Variants in ANGPTL5 observed in about 807,000 individuals in gnomAD.
ANGPTL5 encodes angiopoietin like 5.
In ANGPTL5, 34 loss-of-function variants were observed where a neutral mutation model predicts 39.4. That is an observed-to-expected ratio of 0.86 (90% CI 0.66 to 1.15). The LOEUF (loss-of-function observed/expected upper bound fraction) is 1.15, where lower values mean the gene tolerates loss of function less well. Ranked by LOEUF, ANGPTL5 falls within the 50% of genes most tolerant of loss-of-function variation. The pLI is 0.00. For synonymous variants in ANGPTL5, 146 were observed against 152.1 expected, an observed-to-expected ratio of 0.96 and a Z score of 0.29; for missense variants, 467 against 457.5, an observed-to-expected ratio of 1.02 and a Z score of -0.19.
rs138543084 is a variant in ANGPTL5 at position 101,895,972 on chromosome 11, A to G, written c.662-908T>C. 4.3e-3 allele frequency among the ~76,000 whole-genome samples: 660 copies of G among 152,222 alleles called. 5 individuals are homozygous for G. The highest frequency in any genetic ancestry group is 0.015 in the African/African-American group (637 of 41,534). Reference sequence around the variant, plus strand: ...TTCTTCAGAGCTCACAGGGGCAGACATTTTAGCAACACGCTCACTTACAAT... The same window carrying G: ...TTCTTCAGAGCTCACAGGGGCAGACGTTTTAGCAACACGCTCACTTACAAT... On this transcript the variant is annotated intron_variant, in intron 7 of 8. Transcript: ENST00000334289.
chr11:101,895,358 T>A (rs1292218257), intron 7 of ANGPTL5, among the ~76,000 whole-genome samples: 2 of 152,018 alleles, frequency 1.3e-5, no homozygotes, highest in East Asian at 3.9e-4. Flanking sequence ...CCAAATTTTA[T>A]CTCCCAAAAT....
intron 3 of ANGPTL5, among the ~76,000 whole-genome samples, chr11:101,906,776 CTCTT>C (rs3990105): frequency 1.1e-3 from 167 of 152,242 alleles, no homozygotes; most frequent in Non-Finnish European, 1.9e-3. Context: ...TGCTTCCTCT[CTCTT>C]TCTTATTTTC....
rs957532483 is a variant in ANGPTL5, at chr11:101,905,768, A to G, written c.321T>C (p.Ala107=). 2 of 1,609,624 alleles carry G rather than the reference A, an allele frequency of 1.2e-6. No homozygotes were observed. The highest frequency in any genetic ancestry group is 1.3e-5 in the African/African-American group (1 of 74,856). The change falls in exon 4 of 9, where the codon GCT becomes GCC. Residue 107 remains alanine (A), a synonymous_variant. Coordinates refer to ENST00000334289, the MANE Select transcript of ANGPTL5 (RefSeq NM_178127.5). ...CCTGATTAGATAAATAATCCAAGGA[A>G]GCTTGTTGCTCATCCATCATATTCC... The part of the protein sequence containing the change: ...LLRNMMDEQQ[A]SLDYLSNQVN...
Position 101,890,908 on chromosome 11 carries a change from T to C in ANGPTL5, c.*371A>G, listed in dbSNP as rs962435999. The C allele has an allele frequency of 5.8e-6, 1 of 173,396 alleles. No individual in the cohort carries two copies. Among genetic ancestry groups the C allele is most frequent in the Admixed American group, 5.7e-5 (1 of 17,570 alleles). The allele number at this position is 173,396 out of a possible 1,614,324, so 10.7% of individuals were successfully genotyped here. A position where few individuals can be genotyped will look rare whatever the true frequency, so the allele number is the denominator to read the frequency against. On this transcript the variant is annotated 3_prime_UTR_variant, in exon 9 of 9. Transcript: ENST00000334289. The stretch of plus-strand genomic sequence containing the variant: ...AAATTATCTGTAGATTATATAATCA[T>C]ATAAAGTATAAAAATAAGTAAAATA...
chr11:101,905,242 G>A (rs1939977760), intron 4 of ANGPTL5, among the ~76,000 whole-genome samples: 1 of 152,084 alleles, frequency 6.6e-6, no homozygotes, highest in African/African-American at 2.4e-5. Context: ...TCAGATTGTG[G>A]CATTTCCTTG....
chr11:101,901,398 ACT>A (rs1939897605), intron 6 of ANGPTL5, among the ~76,000 whole-genome samples: 1 of 152,060 alleles, frequency 6.6e-6, no homozygotes, highest in Non-Finnish European at 1.5e-5. Context: ...CTGTTTTCAG[ACT>A]GGCATTTTCA....
chr11:101,911,233 C>T (rs948476739), intron 1 of ANGPTL5, among the ~76,000 whole-genome samples: 3 of 148,290 alleles, frequency 2.0e-5, no homozygotes, highest in African/African-American at 7.5e-5. Flanking sequence ...AATCGATTCT[C>T]CTTCCTCCGC....
At chr11:101,905,707 T>C (rs2137061366) in intron 4 of ANGPTL5, 37 bp downstream of exon 4, 2 of 1,368,240 alleles carry the variant, frequency 1.5e-6, no homozygotes, top group Non-Finnish European at 2.1e-6. Flanking sequence ...CATCAACGTG[T>C]ACATGCAATA....
chr11:101,895,175 T>G, intron 7 of ANGPTL5, 111 bp from the exon 8 acceptor site: 1 of 928,208 alleles, frequency 1.1e-6, no homozygotes, highest in Non-Finnish European at 1.6e-6. Flanking sequence ...ATGGCTCAGA[T>G]AAGTAATTAA....
At chr11:101,912,499 T>A (rs1416353204) in intron 1 of ANGPTL5, among the ~76,000 whole-genome samples, 1 of 152,144 alleles carries the variant, frequency 6.6e-6, no homozygotes, top group Non-Finnish European at 1.5e-5. Context: ...TCTATAAGAA[T>A]CTAGGATTCT....
chr11:101,908,092 G>A (rs1215755861), intron 1 of ANGPTL5, 91 bp from the exon 2 acceptor site: 2 of 519,436 alleles, frequency 3.9e-6, no homozygotes, highest in East Asian at 3.4e-5. Flanking sequence ...AAACAAAGTA[G>A]CCTCTGGAGA....
At chr11:101,913,007 T>G (rs1940115850) in intron 1 of ANGPTL5, among the ~76,000 whole-genome samples, 1 of 152,198 alleles carries the variant, frequency 6.6e-6, no homozygotes, top group South Asian at 2.1e-4. Context: ...AAGTTTTCTG[T>G]TTTTCTCTAG....
At chr11:101,899,625 T>C (rs1206876466) in intron 7 of ANGPTL5, among the ~76,000 whole-genome samples, 1 of 152,248 alleles carries the variant, frequency 6.6e-6, no homozygotes, top group Non-Finnish European at 1.5e-5. Context: ...GTAAATTCAC[T>C]ATACTCCAGA....
chr11:101,903,491 T>A (rs920112599), intron 5 of ANGPTL5, among the ~76,000 whole-genome samples: 2 of 152,148 alleles, frequency 1.3e-5, no homozygotes, highest in Non-Finnish European at 2.9e-5. Context: ...CCTAACACTT[T>A]ACTTCATAGT....
chr11:101,906,149 A>T (rs576891610), intron 3 of ANGPTL5, among the ~76,000 whole-genome samples: 1 of 152,176 alleles, frequency 6.6e-6, no homozygotes, highest in African/African-American at 2.4e-5. Flanking sequence ...TTCTCACTTT[A>T]TAAGATGAGA....
chr11:101,913,063 C>G (rs1380727958), intron 1 of ANGPTL5, among the ~76,000 whole-genome samples: 1 of 152,188 alleles, frequency 6.6e-6, no homozygotes, highest in Non-Finnish European at 1.5e-5. Flanking sequence ...GTAAAACAAT[C>G]GTAGCTCACC....
rs76807509 is a variant in ANGPTL5, at chr11:101,911,849, G to A, written c.-92-3848C>T. Among the ~76,000 whole-genome samples, 152 of 152,280 alleles carry A rather than the reference G, an allele frequency of 1.0e-3. 1 individual carries two copies. In the East Asian group the frequency reaches 0.029, roughly 29 times the overall value. On this transcript the variant is annotated intron_variant, in intron 1 of 8. Transcript: ENST00000334289. ...ACAGTGGTCTTGTGCTGTTCTTTGA[G>A]CACAACAGTATGATTCTGTCCTCAC...
In ANGPTL5 at chr11:101,891,611, T is replaced by C. The variant is rs531147057; in HGVS notation, c.848-13A>G. 4 of 1,612,138 alleles carry C rather than the reference T, an allele frequency of 2.5e-6. No individual in the cohort carries two copies. Among genetic ancestry groups the C allele is most frequent in the Middle Eastern group, 1.7e-4 (1 of 6,058 alleles). On this transcript the variant is annotated splice_polypyrimidine_tract_variant and intron_variant, in intron 8 of 8. Coordinates refer to ENST00000334289, the MANE Select transcript of ANGPTL5 (RefSeq NM_178127.5). ...CGGAATGCATCACCTGGGAAAAAAA[T>C]TTTTAATGATCGAATTTAAAGGAAA... is the stretch of plus-strand genomic sequence containing the variant.
intron 7 of ANGPTL5, among the ~76,000 whole-genome samples, chr11:101,899,306 G>A (rs1939853325): frequency 6.6e-6 from 1 of 152,100 alleles, no homozygotes; most frequent in East Asian, 1.9e-4. Context: ...CAACATGTTG[G>A]CCAGCCTGGT....
Sources: allele counts gnomAD v4.1 joint callset (sites outside exome capture counted in the v4.1 genomes callset), GRCh38; gene constraint gnomAD v4.1.1; transcripts MANE v1.5; gene names NCBI Gene and HGNC (gene_info 2026-07-23, HGNC 2026-07-21).